Variants in PURB observed in about 807,000 individuals in gnomAD.
PURB encodes purine rich element binding protein B, also known as transcriptional regulator protein Pur-beta.
Under a neutral mutation model 21.1 loss-of-function variants are expected in PURB, and 11 were observed. The observed-to-expected ratio is 0.52, with a 90% CI of 0.33 to 0.86. The LOEUF is 0.86. Ranked by LOEUF, PURB falls within the 40% of genes least tolerant of loss-of-function variation. The pLI is 0.02. For synonymous variants in PURB, 246 were observed against 210.8 expected, an observed-to-expected ratio of 1.17 and a Z score of -1.45; for missense variants, 357 against 456.5, an observed-to-expected ratio of 0.78 and a Z score of 1.99.
chr7:44,885,100 G>A lies in PURB; in HGVS notation c.249C>T (p.Phe83=), dbSNP rs1275279033. 2 of 1,574,980 alleles carry A rather than the reference G, an allele frequency of 1.3e-6. No homozygotes were observed. Among genetic ancestry groups the A allele is most frequent in the East Asian group, 2.4e-5 (1 of 41,582 alleles). ...LTLSMAVAAE[F]RDSLGDFIEH... is the part of the protein sequence containing the mutation. ...CTATGAAGTCGCCCAGCGAGTCGCG[G>A]AACTCGGCGGCCACCGCCATGGACA... Residue 83 remains phenylalanine (F), a synonymous_variant, in exon 1 of 1, where the codon TTC becomes TTT. Coordinates refer to ENST00000395699, the MANE Select transcript of PURB (RefSeq NM_033224.5).
chr7:44,884,593 C>A lies in PURB; in HGVS notation c.756G>T (p.Pro252=). The A allele has an allele frequency of 1.2e-6, 2 of 1,614,234 alleles. No individual in the cohort carries two copies. Among genetic ancestry groups the A allele is most frequent in the East Asian group, 2.2e-5 (1 of 44,886 alleles). The change falls in exon 1 of 1, where the codon CCG becomes CCT. Residue 252 remains proline (P), a synonymous_variant. Coordinates refer to ENST00000395699, the MANE Select transcript of PURB (RefSeq NM_033224.5). ...GVFLRVSEVK[P]SYRNAITVPF... ...GTACGGTGATGGCATTGCGGTAGGACGGCTTCACCTCGCTCACTCGCAGAA... is the reference window on the plus strand; with the variant it reads ...GTACGGTGATGGCATTGCGGTAGGAAGGCTTCACCTCGCTCACTCGCAGAA...
chr7:44,884,272 CTG>C lies in PURB; in HGVS notation c.*136_*137del. On this transcript the variant is annotated 3_prime_UTR_variant, in exon 1 of 1. Transcript: ENST00000395699. ...GTTCTCTTACGATTATTTCTCTTAACTGTGTTACGTTTTGTTTTTTCCCTCTG... is the reference window on the plus strand; with the variant it reads ...GTTCTCTTACGATTATTTCTCTTAACTGTTACGTTTTGTTTTTTCCCTCTG... 2 of 1,456,060 alleles carry C rather than the reference CTG, an allele frequency of 1.4e-6. No individual in the cohort carries two copies. The highest frequency in any genetic ancestry group is 1.8e-6 in the Non-Finnish European group (2 of 1,105,644). 90.2% of individuals were successfully genotyped at this position (1,456,060 alleles called of 1,614,324 possible).
In PURB at chr7:44,878,963, A is replaced by G. The variant is rs922567365; in HGVS notation, c.*5447T>C. On this transcript the variant is annotated 3_prime_UTR_variant, in exon 1 of 1. Transcript: ENST00000395699. Reference sequence around the variant, plus strand: ...ACTTCTGGGGGGCTAATACTTGAAAATTAAGGACTTTGTTTTTTCTAAGTT... The same window carrying G: ...ACTTCTGGGGGGCTAATACTTGAAAGTTAAGGACTTTGTTTTTTCTAAGTT... 6.6e-6 allele frequency: 1 copy of G among 152,224 alleles called. No homozygotes were observed. Among genetic ancestry groups the G allele is most frequent in the African/African-American group, 2.4e-5 (1 of 41,460 alleles). 9.4% of individuals were successfully genotyped at this position (152,224 alleles called of 1,614,324 possible).
In PURB at chr7:44,880,642, G is replaced by GC. The variant is rs760816464; in HGVS notation, c.*3767dup. On this transcript the variant is annotated 3_prime_UTR_variant, in exon 1 of 1. Transcript: ENST00000395699. ...ACCAGCCTCTTTTGCCCACAACCCT[G>GC]CATCTTCAGATAAGACAGGATAATT... is the stretch of plus-strand genomic sequence containing the variant. The GC allele has an allele frequency of 6.6e-6, 1 of 152,524 alleles. No homozygotes were observed. Among genetic ancestry groups the GC allele is most frequent in the Non-Finnish European group, 1.5e-5 (1 of 68,040 alleles). 9.4% of individuals were successfully genotyped at this position (152,524 alleles called of 1,614,324 possible).
chr7:44,884,458 G>A lies in PURB; in HGVS notation c.891C>T (p.Gly297=). The change falls in exon 1 of 1, where the codon GGC becomes GGT. Residue 297 remains glycine (G), a synonymous_variant. Coordinates refer to ENST00000395699, the MANE Select transcript of PURB (RefSeq NM_033224.5). ...CCTCTGACTCTTCGCCGCCGCCGCT[G>A]CCCCCACCACGTCGCTCATAAAGCT... is the stretch of plus-strand genomic sequence containing the variant. ...RDKLYERRGG[G]SGGGEESEGE... is the part of the protein sequence containing the mutation. 1 of 1,613,586 alleles carries A rather than the reference G, an allele frequency of 6.2e-7. No homozygotes were observed. The highest frequency in any genetic ancestry group is 8.5e-7 in the Non-Finnish European group (1 of 1,179,940).
Position 44,884,754 on chromosome 7 carries a change from C to T in PURB, c.595G>A (p.Glu199Lys), listed in dbSNP as rs1162891499. ...LIDDYGGEDD[E>K]LAGGPGGGAG... Reference sequence around the variant, plus strand: ...CCGCCTCCCGGGCCGCCTGCCAGCTCGTCGTCCTCGCCTCCGTAGTCGTCT... The same window carrying T: ...CCGCCTCCCGGGCCGCCTGCCAGCTTGTCGTCCTCGCCTCCGTAGTCGTCT... The change falls in exon 1 of 1, where the codon GAG becomes AAG. Residue 199 changes from glutamate to lysine, a missense_variant. Coordinates refer to ENST00000395699, the MANE Select transcript of PURB (RefSeq NM_033224.5). 1.2e-6 allele frequency: 2 copies of T among 1,611,032 alleles called. No homozygotes were observed. Among genetic ancestry groups the T allele is most frequent in the Non-Finnish European group, 1.7e-6 (2 of 1,179,210 alleles).
rs1025512911 is a variant in PURB, at chr7:44,882,804, G to A, written c.*1606C>T. ...AATACCTGAAAACTTTGGAAAGAAC[G>A]TTAGCTCCCATTCAATTCAAAGTTA... On this transcript the variant is annotated 3_prime_UTR_variant, in exon 1 of 1. Transcript: ENST00000395699. 1 of 152,178 alleles carries A rather than the reference G, an allele frequency of 6.6e-6. No homozygotes were observed. The highest frequency in any genetic ancestry group is 1.5e-5 in the Non-Finnish European group (1 of 68,038). The allele number at this position is 152,178 out of a possible 1,614,324, so 9.4% of individuals were successfully genotyped here. A position where few individuals can be genotyped will look rare whatever the true frequency, so the allele number is the denominator to read the frequency against.
At position 44,877,354 on chromosome 7, in the gene PURB, C is replaced by T. The variant is rs1399534444; in HGVS notation, c.*7056G>A. Reference sequence around the variant, plus strand: ...AAAGAAGTCCAGATACACTGACGATCTTAGTTACTATTCAAATATTGGTAA... The same window carrying T: ...AAAGAAGTCCAGATACACTGACGATTTTAGTTACTATTCAAATATTGGTAA... On this transcript the variant is annotated 3_prime_UTR_variant, in exon 1 of 1. Transcript: ENST00000395699. 6.6e-6 allele frequency: 1 copy of T among 152,232 alleles called. No homozygotes were observed. Among genetic ancestry groups the T allele is most frequent in the East Asian group, 1.9e-4 (1 of 5,206 alleles). The allele number at this position is 152,232 out of a possible 1,614,324, so 9.4% of individuals were successfully genotyped here. A position where few individuals can be genotyped will look rare whatever the true frequency, so the allele number is the denominator to read the frequency against.
rs1422885045 is a variant in PURB at position 44,876,499 on chromosome 7, A to C, written c.*7911T>G. Reference sequence around the variant, plus strand: ...CCGCCATTTTTACAGACCAGTCTGAAGCTTCTGACTGTATTCACATTGCTC... The same window carrying C: ...CCGCCATTTTTACAGACCAGTCTGACGCTTCTGACTGTATTCACATTGCTC... On this transcript the variant is annotated 3_prime_UTR_variant, in exon 1 of 1. Transcript: ENST00000395699. 1 of 152,668 alleles carries C rather than the reference A, an allele frequency of 6.6e-6. No homozygotes were observed. The highest frequency in any genetic ancestry group is 1.5e-5 in the Non-Finnish European group (1 of 68,048). 9.5% of individuals were successfully genotyped at this position (152,668 alleles called of 1,614,324 possible).
In PURB at chr7:44,885,036, G is replaced by A. The variant is rs763055909; in HGVS notation, c.313C>T (p.Leu105=). The change falls in exon 1 of 1, where the codon CTG becomes TTG. Residue 105 remains leucine (L), a synonymous_variant. Coordinates refer to ENST00000395699, the MANE Select transcript of PURB (RefSeq NM_033224.5). Reference sequence around the variant, plus strand: ...CCGCCCTCCTCGGCGCCAGCCGCCAGCTGCTCGGGGCTGCTAGGGCCCAGC... The same window carrying A: ...CCGCCCTCCTCGGCGCCAGCCGCCAACTGCTCGGGGCTGCTAGGGCCCAGC... The part of the protein sequence containing the change: ...AQLGPSSPEQ[L]AAGAEEGGGP... The A allele has an allele frequency of 1.9e-6, 3 of 1,550,202 alleles. No individual in the cohort carries two copies. Among genetic ancestry groups the A allele is most frequent in the Admixed American group, 4.0e-5 (2 of 50,388 alleles).
In PURB at chr7:44,879,299, T is replaced by C. The variant is rs1793842804; in HGVS notation, c.*5111A>G. The C allele has an allele frequency of 1.3e-5, 2 of 152,260 alleles. No homozygotes were observed. Among genetic ancestry groups the C allele is most frequent in the South Asian group, 2.1e-4 (1 of 4,822 alleles). 9.4% of individuals were successfully genotyped at this position (152,260 alleles called of 1,614,324 possible). ...ACCTCAGCCTCCCAGAGTGCTGGGATTACAGGCGTGAGCCACCACGCCCGG... is the reference window on the plus strand; with the variant it reads ...ACCTCAGCCTCCCAGAGTGCTGGGACTACAGGCGTGAGCCACCACGCCCGG... On this transcript the variant is annotated 3_prime_UTR_variant, in exon 1 of 1. Transcript: ENST00000395699.
rs540975820 is a variant in PURB, at chr7:44,885,008, C to G, written c.341G>C (p.Gly114Ala). 1.3e-6 allele frequency: 2 copies of G among 1,544,618 alleles called. No homozygotes were observed. Among genetic ancestry groups the G allele is most frequent in the Admixed American group, 2.0e-5 (1 of 49,540 alleles). ...QLAAGAEEGG[G>A]PRRALKSEFL... ...TTCGCTCTTGAGCGCGCGCCGCGGC[C>G]CGCCGCCCTCCTCGGCGCCAGCCGC... Residue 114 changes from glycine to alanine, a missense_variant, in exon 1 of 1, where the codon GGG (glycine) becomes GCG (alanine). By Grantham distance (60) the Gly-to-Ala change is moderately conservative. Transcript: ENST00000395699.
At position 44,883,896 on chromosome 7, in the gene PURB, C is replaced by T. The variant is rs546352698; in HGVS notation, c.*514G>A. ...CTCAGAACTGGGTAATTGTAAAGGCCTCTCTTCTCAAGGATTCCATGAAGA... is the reference window on the plus strand; with the variant it reads ...CTCAGAACTGGGTAATTGTAAAGGCTTCTCTTCTCAAGGATTCCATGAAGA... On this transcript the variant is annotated 3_prime_UTR_variant, in exon 1 of 1. Coordinates refer to ENST00000395699, the MANE Select transcript of PURB (RefSeq NM_033224.5). The T allele has an allele frequency of 1.3e-5, 2 of 155,394 alleles. No individual in the cohort carries two copies. The highest frequency in any genetic ancestry group is 3.9e-4 in the East Asian group (2 of 5,154). The allele number at this position is 155,394 out of a possible 1,614,324, so 9.6% of individuals were successfully genotyped here.
In PURB at chr7:44,878,133, G is replaced by A. The variant is rs1381581382; in HGVS notation, c.*6277C>T. On this transcript the variant is annotated 3_prime_UTR_variant, in exon 1 of 1. Transcript: ENST00000395699. ...TATTTGGCTTTAAGAAATAAGAGATGGCCTAAATGGATATTTTGGAAAAAG... is the reference window on the plus strand; with the variant it reads ...TATTTGGCTTTAAGAAATAAGAGATAGCCTAAATGGATATTTTGGAAAAAG... The A allele has an allele frequency of 6.6e-6, 1 of 152,136 alleles. No individual in the cohort carries two copies. The highest frequency in any genetic ancestry group is 1.5e-5 in the Non-Finnish European group (1 of 68,016). The allele number at this position is 152,136 out of a possible 1,614,324, so 9.4% of individuals were successfully genotyped here.
At position 44,884,263 on chromosome 7, in the gene PURB, T is replaced by G. The variant is rs751017506; in HGVS notation, c.*147A>C. 4 of 1,436,662 alleles carry G rather than the reference T, an allele frequency of 2.8e-6. No homozygotes were observed. The highest frequency in any genetic ancestry group is 3.7e-6 in the Non-Finnish European group (4 of 1,093,778). The allele number at this position is 1,436,662 out of a possible 1,614,324, so 89.0% of individuals were successfully genotyped here. On this transcript the variant is annotated 3_prime_UTR_variant, in exon 1 of 1. Coordinates refer to ENST00000395699, the MANE Select transcript of PURB (RefSeq NM_033224.5). ...TCCGTCACTGTTCTCTTACGATTATTTCTCTTAACTGTGTTACGTTTTGTT... is the reference window on the plus strand; with the variant it reads ...TCCGTCACTGTTCTCTTACGATTATGTCTCTTAACTGTGTTACGTTTTGTT...
chr7:44,885,419 GCC>G lies in PURB; in HGVS notation c.-73_-72del. On this transcript the variant is annotated 5_prime_UTR_variant, in exon 1 of 1. Transcript: ENST00000395699. ...CCCGCCCTCCGGCTCGCGCTCCGGG[GCC>G]CCCCAGCCTCGCCCGCCCGGCTCGC... 1.9e-6 allele frequency: 1 copy of G among 524,410 alleles called. No homozygotes were observed. Among genetic ancestry groups the G allele is most frequent in the Non-Finnish European group, 2.4e-6 (1 of 408,254 alleles). The allele number at this position is 524,410 out of a possible 1,614,324, so 32.5% of individuals were successfully genotyped here.
At position 44,879,183 on chromosome 7, in the gene PURB, G is replaced by A; in HGVS notation, c.*5227C>T. ...AGCCTCCCAAGTAGCTGGGACTACA[G>A]GCATGCACCACCATGCCCGGCTAAT... On this transcript the variant is annotated 3_prime_UTR_variant, in exon 1 of 1. Coordinates refer to ENST00000395699, the MANE Select transcript of PURB (RefSeq NM_033224.5). The A allele has an allele frequency of 6.6e-6, 1 of 152,406 alleles. No individual in the cohort carries two copies. Among genetic ancestry groups the A allele is most frequent in the East Asian group, 1.9e-4 (1 of 5,186 alleles). The allele number at this position is 152,406 out of a possible 1,614,324, so 9.4% of individuals were successfully genotyped here. A position where few individuals can be genotyped will look rare whatever the true frequency, so the allele number is the denominator to read the frequency against.
rs189834973 is a variant in PURB, at chr7:44,881,749, T to C, written c.*2661A>G. ...TCTGGTAACCAAAGCTGATGCCATA[T>C]ATGGTAGTGTTCTTGGCATATACTC... On this transcript the variant is annotated 3_prime_UTR_variant, in exon 1 of 1. Transcript: ENST00000395699. 1.9e-5 allele frequency: 3 copies of C among 154,812 alleles called. No homozygotes were observed. The highest frequency in any genetic ancestry group is 4.4e-5 in the Non-Finnish European group (3 of 68,198). The allele number at this position is 154,812 out of a possible 1,614,324, so 9.6% of individuals were successfully genotyped here.
rs1437508762 is a variant in PURB, at chr7:44,885,064, C to T, written c.285G>A (p.Ala95=). The change falls in exon 1 of 1, where the codon GCG becomes GCA. Residue 95 remains alanine (A), a synonymous_variant. Coordinates refer to ENST00000395699, the MANE Select transcript of PURB (RefSeq NM_033224.5). ...DSLGDFIEHY[A]QLGPSSPEQL... ...GCTCGGGGCTGCTAGGGCCCAGCTG[C>T]GCGTAGTGTTCTATGAAGTCGCCCA... The T allele has an allele frequency of 6.4e-7, 1 of 1,571,530 alleles. No individual in the cohort carries two copies. The highest frequency in any genetic ancestry group is 1.8e-5 in the Admixed American group (1 of 54,296).
Sources: allele counts gnomAD v4.1 joint callset, GRCh38; gene constraint gnomAD v4.1.1; transcripts MANE v1.5; gene names NCBI Gene and HGNC (gene_info 2026-07-23, HGNC 2026-07-21).